The following EXD3 variants were observed in gnomAD, a reference collection of about 807,000 sequenced individuals.
The protein encoded by EXD3 is exonuclease 3'-5' domain containing 3.
A neutral mutation model predicts 98.0 loss-of-function variants in EXD3; 92 were observed. That is an observed-to-expected ratio of 0.94 (90% CI 0.79 to 1.12). EXD3 has a LOEUF of 1.12. EXD3 is among the 50% of genes most tolerant of loss of function. The pLI, the probability that EXD3 is intolerant of heterozygous loss-of-function variation, is 0.00. For missense variants in EXD3, 1,222 were observed against 1,191.6 expected (o/e 1.03, Z -0.38); for synonymous variants, 569 against 526.0 (o/e 1.08, Z -1.12).
At position 137,405,881 on chromosome 9, in the gene EXD3, T is replaced by G. The variant is rs1837689789; in HGVS notation, c.-47-10477A>C. On this transcript the variant is annotated intron_variant, in intron 1 of 21. Transcript: ENST00000340951. This position sits in a 1 kb window ranked among gnomAD's most constrained non-coding sequence, Gnocchi z 4.1. Reference sequence around the variant, plus strand: ...CCGCTGCCCACAGACACCTTGCCCGTGCCCCAATGCCAGGCAGAGGCCTCT... The same window carrying G: ...CCGCTGCCCACAGACACCTTGCCCGGGCCCCAATGCCAGGCAGAGGCCTCT... Among the ~76,000 whole-genome samples, 1 of 152,206 alleles carries G rather than the reference T, an allele frequency of 6.6e-6. No homozygotes were observed. Among genetic ancestry groups the G allele is most frequent in the African/African-American group, 2.4e-5 (1 of 41,450 alleles).
intron 3 of EXD3, among the ~76,000 whole-genome samples, 182 bp from the exon 4 acceptor site, chr9:137,373,781 C>A (rs1336570563): frequency 6.6e-6 from 1 of 152,272 alleles, no homozygotes; most frequent in Non-Finnish European, 1.5e-5. Context: ...GCACCCCAGG[C>A]CCCCAGGGGC....
intron 10 of EXD3, chr9:137,352,991 T>C (rs1834388424): frequency 2.2e-6 from 3 of 1,393,508 alleles, no homozygotes; most frequent in East Asian, 2.8e-5. Flanking sequence ...ATAGAGGTGC[T>C]GAGGCAAAGG....
At position 137,407,619 on chromosome 9, in the gene EXD3, C is replaced by T. The variant is rs1398367483; in HGVS notation, c.-47-12215G>A. On this transcript the variant is annotated intron_variant, in intron 1 of 21. Coordinates refer to ENST00000340951, the MANE Select transcript of EXD3 (RefSeq NM_017820.5). The surrounding 1 kb of genome is among the most constrained non-coding windows in gnomAD (Gnocchi z 4.4). Reference sequence around the variant, plus strand: ...GGTCCCTGACAGGGAAGGATGGAGACGCAGCTCCAGACCCCAGAGTGCGGC... The same window carrying T: ...GGTCCCTGACAGGGAAGGATGGAGATGCAGCTCCAGACCCCAGAGTGCGGC... Among the ~76,000 whole-genome samples, 1 of 152,164 alleles carries T rather than the reference C, an allele frequency of 6.6e-6. No individual in the cohort carries two copies. The highest frequency in any genetic ancestry group is 1.5e-5 in the Non-Finnish European group (1 of 68,028).
At chr9:137,402,308 C>T (rs944083075) in intron 1 of EXD3, among the ~76,000 whole-genome samples, 24 of 152,198 alleles carry the variant, frequency 1.6e-4, no homozygotes, top group African/African-American at 5.8e-4. Context: ...GCCATTGTGC[C>T]TGGTCCCAGA....
intron 17 of EXD3, among the ~76,000 whole-genome samples, chr9:137,334,437 C>G (rs1833252448): frequency 6.6e-6 from 1 of 152,142 alleles, no homozygotes; most frequent in South Asian, 2.1e-4. Flanking sequence ...CAAATACTTA[C>G]AATCAACGGA....
At chr9:137,366,396 C>T in intron 7 of EXD3, 97 bp downstream of exon 7, 1 of 1,483,824 alleles carries the variant, frequency 6.7e-7, no homozygotes, top group Non-Finnish European at 9.1e-7. Flanking sequence ...CTGGGGAGAG[C>T]TCTCCCACGC....
rs865783831 is a variant in EXD3, at chr9:137,371,340, C to T, written c.462+1565G>A. ...TCAGCGCCATGCACCCGCCGCGAGACGACGGCCCCGGGCGTGGCAGGTGAC... is the reference window on the plus strand; with the variant it reads ...TCAGCGCCATGCACCCGCCGCGAGATGACGGCCCCGGGCGTGGCAGGTGAC... On this transcript the variant is annotated intron_variant, in intron 5 of 21. Transcript: ENST00000340951. This position sits in a 1 kb window ranked among gnomAD's most constrained non-coding sequence, Gnocchi z 8.0. 7.2e-5 allele frequency among the ~76,000 whole-genome samples: 11 copies of T among 152,172 alleles called. No homozygotes were observed. Among genetic ancestry groups the T allele is most frequent in the Admixed American group, 3.3e-4 (5 of 15,284 alleles).
chr9:137,355,140 G>A (rs1301344509), intron 8 of EXD3, among the ~76,000 whole-genome samples: 5 of 152,172 alleles, frequency 3.3e-5, no homozygotes, highest in Non-Finnish European at 7.4e-5. Context: ...GCTGCTCACT[G>A]TGGGTCCCGT....
chr9:137,388,784 C>A (rs1348994238), intron 2 of EXD3, among the ~76,000 whole-genome samples: 4 of 152,176 alleles, frequency 2.6e-5, no homozygotes, highest in Admixed American at 6.5e-5. Flanking sequence ...CCAAGGCCGT[C>A]CCACACCTGC....
intron 1 of EXD3, among the ~76,000 whole-genome samples, chr9:137,401,967 G>A (rs968184757): frequency 6.6e-6 from 1 of 152,146 alleles, no homozygotes; most frequent in Non-Finnish European, 1.5e-5. Context: ...ACTGCGTCAG[G>A]TTGCACATTT....
intron 5 of EXD3, among the ~76,000 whole-genome samples, chr9:137,370,207 G>A (rs1835520222): frequency 6.6e-6 from 1 of 152,184 alleles, no homozygotes; most frequent in South Asian, 2.1e-4. Flanking sequence ...GGCCCTGCTG[G>A]CCCTTTCACT....
At chr9:137,378,584 C>G (rs1170544728) in intron 3 of EXD3, among the ~76,000 whole-genome samples, 1 of 152,196 alleles carries the variant, frequency 6.6e-6, no homozygotes, top group Non-Finnish European at 1.5e-5. Flanking sequence ...TTATTTACAA[C>G]GGCCAGAGGT....
chr9:137,330,386 ACACAGGAGCTACACAGGGCTC>A (rs1454633804), intron 17 of EXD3, among the ~76,000 whole-genome samples: 1 of 144,896 alleles, frequency 6.9e-6, no homozygotes, highest in African/African-American at 2.7e-5. Flanking sequence ...ACACAGGACT[ACACAGGAGCTACACAGGGCTC>A]CACAGGACTA....
intron 2 of EXD3, among the ~76,000 whole-genome samples, chr9:137,386,501 A>C (rs1836597195): frequency 6.6e-6 from 1 of 151,700 alleles, no homozygotes; most frequent in South Asian, 2.2e-4. Context: ...GCCACTCCAG[A>C]TTCCCAGGGG....
intron 3 of EXD3, among the ~76,000 whole-genome samples, chr9:137,377,654 G>A (rs1157615805): frequency 1.3e-5 from 2 of 148,686 alleles, no homozygotes; most frequent in Non-Finnish European, 3.0e-5. Flanking sequence ...CTGGGAGGCG[G>A]AGGTTGCAGT....
Position 137,405,373 on chromosome 9 carries a change from G to T in EXD3, c.-47-9969C>A, listed in dbSNP as rs945441289. ...CCCCTGGACCACAGGACCAACGGGGGCAGGGTGGGCCCCCCACACAGGTCC... is the reference window on the plus strand; with the variant it reads ...CCCCTGGACCACAGGACCAACGGGGTCAGGGTGGGCCCCCCACACAGGTCC... On this transcript the variant is annotated intron_variant, in intron 1 of 21. Transcript: ENST00000340951. The surrounding 1 kb of genome is among the most constrained non-coding windows in gnomAD (Gnocchi z 4.1). Among the ~76,000 whole-genome samples, 1 of 152,206 alleles carries T rather than the reference G, an allele frequency of 6.6e-6. No homozygotes were observed. Among genetic ancestry groups the T allele is most frequent in the African/African-American group, 2.4e-5 (1 of 41,456 alleles).
At chr9:137,316,560 C>A (rs557487687) in intron 19 of EXD3, among the ~76,000 whole-genome samples, 1 of 152,334 alleles carries the variant, frequency 6.6e-6, no homozygotes, top group East Asian at 1.9e-4. Flanking sequence ...CTCCCAGTGC[C>A]CGGGAGGCAG....
At position 137,310,195 on chromosome 9, in the gene EXD3, C is replaced by T. The variant is rs78233350; in HGVS notation, c.2185-495G>A. Among the ~76,000 whole-genome samples, 3 of 152,348 alleles carry T rather than the reference C, an allele frequency of 2.0e-5. No individual in the cohort carries two copies. The East Asian group carries it at 5.8e-4, about 29-fold the overall frequency. ...CCTGAAAGTGGCGAGGGGGCTGGAGCAACACCACTGTGTGCCTTGTCCAGG... is the reference window on the plus strand; with the variant it reads ...CCTGAAAGTGGCGAGGGGGCTGGAGTAACACCACTGTGTGCCTTGTCCAGG... On this transcript the variant is annotated intron_variant, in intron 19 of 21. Transcript: ENST00000340951.
intron 7 of EXD3, among the ~76,000 whole-genome samples, chr9:137,359,179 C>T (rs78496724): frequency 0.057 from 4,705 of 82,430 alleles, 1,493 homozygotes; most frequent in African/African-American, 0.15. Context: ...CTGTGTTAGC[C>T]AGGTTAGTCT....
Sources: gnomAD v4.1 joint callset for allele counts (sites outside exome capture counted in the v4.1 genomes callset) on GRCh38, gnomAD v4.1.1 for gene constraint, Gnocchi (gnomAD v3.1) non-coding constraint, MANE v1.5 for transcripts, NCBI Gene and HGNC (gene_info 2026-07-23, HGNC 2026-07-21) for gene names.